The following ATXN1 variants were observed in gnomAD, a reference collection of about 807,000 sequenced individuals.
The protein encoded by ATXN1 is ataxin-1.
A neutral mutation model predicts 56.4 loss-of-function variants in ATXN1; 8 were observed. The observed-to-expected ratio is 0.14, with a 90% CI of 0.08 to 0.26. ATXN1 has a LOEUF of 0.26. Ranked by LOEUF, ATXN1 falls within the 10% of genes least tolerant of loss-of-function variation. The pLI, the probability that ATXN1 is intolerant of heterozygous loss-of-function variation, is 1.00. For missense variants in ATXN1, 987 were observed against 1,106.5 expected, an observed-to-expected ratio of 0.89 and a Z score of 1.53; for synonymous variants, 514 against 494.6, an observed-to-expected ratio of 1.04 and a Z score of -0.52.
At chr6:16,322,178 T>C (rs1056977651) in intron 7 of ATXN1, among the ~76,000 whole-genome samples, 30 of 152,108 alleles carry the variant, frequency 2.0e-4, no homozygotes, top group African/African-American at 7.2e-4. Flanking sequence ...GAGCCAATGA[T>C]CCCATCACTG....
At chr6:16,569,241 C>T (rs1013568106) in intron 4 of ATXN1, among the ~76,000 whole-genome samples, 2 of 152,006 alleles carry the variant, frequency 1.3e-5, no homozygotes, top group Admixed American at 6.5e-5. Flanking sequence ...CCTGGCCTGG[C>T]GTGGTGGTGG....
chr6:16,299,336 C>A lies in ATXN1; in HGVS notation c.*6993G>T, dbSNP rs1435333955. 6.6e-6 allele frequency: 1 copy of A among 152,336 alleles called. No homozygotes were observed. Among genetic ancestry groups the A allele is most frequent in the Non-Finnish European group, 1.5e-5 (1 of 67,986 alleles). 9.4% of individuals were successfully genotyped at this position (152,336 alleles called of 1,614,324 possible). A position where few individuals can be genotyped will look rare whatever the true frequency, so the allele number is the denominator to read the frequency against. On this transcript the variant is annotated 3_prime_UTR_variant, in exon 8 of 8. Coordinates refer to ENST00000436367, the MANE Select transcript of ATXN1 (RefSeq NM_001128164.2). Reference sequence around the variant, plus strand: ...GAGTGTATCCTACAAATAGACACACCACGATTAGAAAATAGAATATGAATT... The same window carrying A: ...GAGTGTATCCTACAAATAGACACACAACGATTAGAAAATAGAATATGAATT...
chr6:16,467,143 G>A (rs1376003948), intron 6 of ATXN1, among the ~76,000 whole-genome samples: 1 of 152,208 alleles, frequency 6.6e-6, no homozygotes, highest in African/African-American at 2.4e-5. Context: ...TGCCCTGGGC[G>A]GGGAGACAGA....
chr6:16,424,691 G>C (rs1254973481), intron 6 of ATXN1, among the ~76,000 whole-genome samples: 2 of 152,234 alleles, frequency 1.3e-5, no homozygotes, highest in African/African-American at 4.8e-5. Flanking sequence ...GCCTGGCTTT[G>C]AAAGAGAGGA....
At chr6:16,330,391 T>C (rs1328880916) in intron 6 of ATXN1, among the ~76,000 whole-genome samples, 2 of 42,260 alleles carry the variant, frequency 4.7e-5, no homozygotes, top group Admixed American at 3.3e-4. Context: ...CCTTCCTTCC[T>C]TTTTTTTTTT....
chr6:16,631,316 G>C (rs1050760803), intron 3 of ATXN1, among the ~76,000 whole-genome samples: 4 of 152,128 alleles, frequency 2.6e-5, no homozygotes, highest in African/African-American at 9.7e-5. Flanking sequence ...TGTTTCACAG[G>C]GTATGCAGTG....
At chr6:16,661,038 C>T (rs899383902) in intron 2 of ATXN1, among the ~76,000 whole-genome samples, 1 of 151,606 alleles carries the variant, frequency 6.6e-6, no homozygotes, top group Non-Finnish European at 1.5e-5. Flanking sequence ...GGGATTTCAC[C>T]ATGTTGGCCA....
chr6:16,647,149 C>T (rs556674208), intron 3 of ATXN1, among the ~76,000 whole-genome samples: 78 of 152,226 alleles, frequency 5.1e-4, no homozygotes, highest in African/African-American at 1.6e-3. Context: ...GGACTACAGG[C>T]ACCTGCCACC....
At chr6:16,757,576 A>C (rs1760924317) in intron 1 of ATXN1, among the ~76,000 whole-genome samples, 1 of 152,172 alleles carries the variant, frequency 6.6e-6, no homozygotes, top group African/African-American at 2.4e-5. Flanking sequence ...AAAACGGTAA[A>C]AACTCATAAA....
intron 4 of ATXN1, among the ~76,000 whole-genome samples, chr6:16,562,487 A>AG (rs1288757913): frequency 1.2e-4 from 17 of 140,538 alleles, no homozygotes; most frequent in African/African-American, 2.0e-4. Flanking sequence ...AGAGGAGAGG[A>AG]AAGGAAAGGA....
chr6:16,615,763 G>T (rs1161639367), intron 3 of ATXN1: 1 of 151,820 alleles, frequency 6.6e-6, no homozygotes, highest in Non-Finnish European at 1.5e-5. Flanking sequence ...GCTGCATGCG[G>T]TGGCTCATGC....
rs572167859 is a variant in ATXN1 at position 16,393,841 on chromosome 6, T to A, written c.-160-65371A>T. On this transcript the variant is annotated intron_variant, in intron 6 of 7. Transcript: ENST00000436367. ...GACCAGTCTGGCCAACACAGTGAAA[T>A]CTTGTCTGTATTACAATAAAGTGTA... Among the ~76,000 whole-genome samples the A allele has an allele frequency of 3.3e-5, 5 of 151,970 alleles. No homozygotes were observed. In the East Asian group the frequency reaches 9.7e-4, roughly 29 times the overall value.
intron 6 of ATXN1, among the ~76,000 whole-genome samples, chr6:16,469,840 G>GT (rs1760181711): frequency 6.6e-6 from 1 of 151,892 alleles, no homozygotes; most frequent in East Asian, 1.9e-4. Flanking sequence ...GCGGGCACCT[G>GT]TAATCCCAGC....
intron 6 of ATXN1, among the ~76,000 whole-genome samples, chr6:16,448,489 A>G (rs960258200): frequency 6.6e-6 from 1 of 152,178 alleles, no homozygotes; most frequent in African/African-American, 2.4e-5. Context: ...TTGGGGGTAC[A>G]AGTGATATGT....
chr6:16,433,854 C>T (rs1399557703), intron 6 of ATXN1, among the ~76,000 whole-genome samples: 1 of 152,206 alleles, frequency 6.6e-6, no homozygotes, highest in Non-Finnish European at 1.5e-5. Context: ...AGCCACGGAT[C>T]GGCTCTGTGC....
chr6:16,450,363 A>C (rs1759729966), intron 6 of ATXN1, among the ~76,000 whole-genome samples: 1 of 152,238 alleles, frequency 6.6e-6, no homozygotes, highest in African/African-American at 2.4e-5. Context: ...CTGATGCAAC[A>C]TGTGTTTACA....
intron 3 of ATXN1, among the ~76,000 whole-genome samples, chr6:16,601,782 G>A (rs1455126440): frequency 6.6e-6 from 1 of 152,154 alleles, no homozygotes; most frequent in Non-Finnish European, 1.5e-5. Flanking sequence ...GAACCCAGGA[G>A]GCGGAGCTTG....
At chr6:16,633,820 T>G (rs1316422770) in intron 3 of ATXN1, among the ~76,000 whole-genome samples, 19 of 152,208 alleles carry the variant, frequency 1.2e-4, no homozygotes, top group Admixed American at 1.2e-3. Flanking sequence ...TGTCATTCGG[T>G]AAAGACAGTC....
At chr6:16,436,175 G>A (rs999282859) in intron 6 of ATXN1, among the ~76,000 whole-genome samples, 1 of 152,180 alleles carries the variant, frequency 6.6e-6, no homozygotes, top group Admixed American at 6.5e-5. Flanking sequence ...TGGGATTACA[G>A]GCGTGAGCCA....
Sources: allele counts gnomAD v4.1 joint callset (sites outside exome capture counted in the v4.1 genomes callset), GRCh38; gene constraint gnomAD v4.1.1; transcripts MANE v1.5; gene names NCBI Gene and HGNC (gene_info 2026-07-23, HGNC 2026-07-21).